Variants in MSH3 observed in about 807,000 individuals in gnomAD.
MSH3 encodes mutS homolog 3.
A neutral mutation model predicts 123.3 loss-of-function variants in MSH3; 106 were observed. The observed-to-expected ratio is 0.86, with a 90% CI of 0.73 to 1.01. The LOEUF (loss-of-function observed/expected upper bound fraction) is 1.01. MSH3 is among the 50% of genes least tolerant of loss of function. The pLI, the probability that MSH3 is intolerant of heterozygous loss-of-function variation, is 0.00. For synonymous variants in MSH3, 515 were observed against 481.4 expected (o/e 1.07, Z -0.91); for missense variants, 1,459 against 1,347.6 (o/e 1.08, Z -1.29).
chr5:80,841,060 C>G (rs1268087619), intron 20 of MSH3, among the ~76,000 whole-genome samples: 1 of 151,782 alleles, frequency 6.6e-6, no homozygotes, highest in Non-Finnish European at 1.5e-5. Context: ...CCCCACTCCC[C>G]CCACCCCACG....
rs183267166 is a variant in MSH3 at position 80,734,975 on chromosome 5, A to G, written c.1568+6010A>G. On this transcript the variant is annotated intron_variant, in intron 10 of 23. Coordinates refer to ENST00000265081, the MANE Select transcript of MSH3 (RefSeq NM_002439.5). ...TTCTTATTGTTTATGATTGGAGGACATTTCTCATGCAGTTACTTTTTTATG... is the reference window on the plus strand; with the variant it reads ...TTCTTATTGTTTATGATTGGAGGACGTTTCTCATGCAGTTACTTTTTTATG... Among the ~76,000 whole-genome samples the G allele has an allele frequency of 5.0e-3, 761 of 152,334 alleles. 11 individuals are homozygous for G. Among genetic ancestry groups the G allele is most frequent in the African/African-American group, 0.016 (681 of 41,572 alleles).
At chr5:80,790,694 G>A (rs1239442937) in intron 18 of MSH3, among the ~76,000 whole-genome samples, 1 of 152,196 alleles carries the variant, frequency 6.6e-6, no homozygotes, top group Non-Finnish European at 1.5e-5. Context: ...TAAAAGAAGA[G>A]TGCAGATGCC....
chr5:80,789,764 G>C (rs1259229244), intron 18 of MSH3, among the ~76,000 whole-genome samples: 1 of 152,126 alleles, frequency 6.6e-6, no homozygotes, highest in Non-Finnish European at 1.5e-5. Context: ...GTATTTATTG[G>C]TGTTATGAGT....
At chr5:80,777,479 T>G (rs998881618) in intron 16 of MSH3, among the ~76,000 whole-genome samples, 4 of 152,164 alleles carry the variant, frequency 2.6e-5, no homozygotes, top group Admixed American at 2.0e-4. Context: ...AACTGAAATA[T>G]CTCCCTAAAT....
chr5:80,826,946 A>G (rs1268207225), intron 20 of MSH3, among the ~76,000 whole-genome samples: 1 of 152,196 alleles, frequency 6.6e-6, no homozygotes, highest in Admixed American at 6.5e-5. Context: ...AAACACATAC[A>G]TTTGTTTCTA....
intron 12 of MSH3, among the ~76,000 whole-genome samples, chr5:80,750,466 G>A (rs932861364): frequency 5.3e-5 from 8 of 151,866 alleles, no homozygotes; most frequent in Non-Finnish European, 4.4e-5. Flanking sequence ...TTTAATTTGC[G>A]TTTCTCTGAT....
chr5:80,718,132 C>G (rs1383056870), intron 8 of MSH3, among the ~76,000 whole-genome samples: 1 of 152,234 alleles, frequency 6.6e-6, no homozygotes, highest in Non-Finnish European at 1.5e-5. Context: ...GAAGCTCTCT[C>G]TGCCTCCTCA....
chr5:80,801,992 T>C (rs1744797567), intron 19 of MSH3, among the ~76,000 whole-genome samples: 1 of 152,236 alleles, frequency 6.6e-6, no homozygotes. Flanking sequence ...AAAATTTTTG[T>C]ATAATACTTG....
At chr5:80,770,428 A>T (rs915914589) in intron 15 of MSH3, among the ~76,000 whole-genome samples, 1 of 152,204 alleles carries the variant, frequency 6.6e-6, no homozygotes, top group African/African-American at 2.4e-5. Context: ...ATAAAGTGCT[A>T]TGCTTATACT....
chr5:80,671,242 A>T (rs1342160519), intron 4 of MSH3, among the ~76,000 whole-genome samples: 1 of 152,222 alleles, frequency 6.6e-6, no homozygotes, highest in East Asian at 1.9e-4. Context: ...AGTATTGCAG[A>T]TGACACCTTT....
intron 17 of MSH3, among the ~76,000 whole-genome samples, chr5:80,781,217 T>G (rs1253095266): frequency 6.6e-6 from 1 of 152,172 alleles, no homozygotes; most frequent in Non-Finnish European, 1.5e-5. Flanking sequence ...GGCTTTTTCC[T>G]TAGTATTACC....
chr5:80,856,652 G>A (rs1054287268), intron 21 of MSH3, among the ~76,000 whole-genome samples: 7 of 151,906 alleles, frequency 4.6e-5, no homozygotes, highest in African/African-American at 1.7e-4. Context: ...GTATACAAAT[G>A]TAACTGACCT....
At chr5:80,838,699 CTCT>C (rs957105419) in intron 20 of MSH3, among the ~76,000 whole-genome samples, 41 of 151,862 alleles carry the variant, frequency 2.7e-4, no homozygotes, top group African/African-American at 8.9e-4. Flanking sequence ...TTTAATCAAC[CTCT>C]TCTTTTTACA....
intron 4 of MSH3, among the ~76,000 whole-genome samples, chr5:80,671,548 C>T (rs1209826069): frequency 6.6e-6 from 1 of 152,142 alleles, no homozygotes; most frequent in Non-Finnish European, 1.5e-5. Flanking sequence ...GAGAAACTGT[C>T]TAGGTTAAAC....
intron 19 of MSH3, among the ~76,000 whole-genome samples, chr5:80,796,427 A>G (rs1294228533): frequency 6.6e-6 from 1 of 150,998 alleles, no homozygotes; most frequent in Non-Finnish European, 1.5e-5. Flanking sequence ...TGCTTTTTCT[A>G]ACTTGAGTAG....
chr5:80,792,888 A>T (rs937588792), intron 19 of MSH3, 44 bp downstream of exon 19: 1 of 1,224,692 alleles, frequency 8.2e-7, no homozygotes, highest in Non-Finnish European at 1.2e-6. Flanking sequence ...TAACATCCCA[A>T]ACTTTTACAT....
chr5:80,663,683 A>G (rs1333613512), intron 2 of MSH3, among the ~76,000 whole-genome samples: 6 of 152,236 alleles, frequency 3.9e-5, no homozygotes, highest in Non-Finnish European at 8.8e-5. Context: ...ACATTTGAGA[A>G]AAGAGTCAAA....
chr5:80,794,335 G>A (rs1744661119), intron 19 of MSH3, among the ~76,000 whole-genome samples: 1 of 152,182 alleles, frequency 6.6e-6, no homozygotes, highest in Non-Finnish European at 1.5e-5. Flanking sequence ...GCAGCCTTGA[G>A]CTGTTAGAAA....
At chr5:80,765,974 T>TATA (rs1183379979) in intron 13 of MSH3, among the ~76,000 whole-genome samples, 1 of 152,204 alleles carries the variant, frequency 6.6e-6, no homozygotes, top group Admixed American at 6.5e-5. Context: ...ATGACTTCAT[T>TATA]ATCTTTACTT....
Sources: gnomAD v4.1 joint callset for allele counts (sites outside exome capture counted in the v4.1 genomes callset) on GRCh38, gnomAD v4.1.1 for gene constraint, MANE v1.5 for transcripts, NCBI Gene and HGNC (gene_info 2026-07-23, HGNC 2026-07-21) for gene names.